The following ITFG1 variants were observed in gnomAD, a reference collection of about 807,000 sequenced individuals.
The protein encoded by ITFG1 is T-cell immunomodulatory protein.
Under a neutral mutation model 81.8 loss-of-function variants are expected in ITFG1, and 34 were observed. That is an observed-to-expected ratio of 0.42 (90% CI 0.32 to 0.55). The LOEUF is 0.55. ITFG1 is among the 20% of genes least tolerant of loss of function. The probability of loss-of-function intolerance (pLI) is 0.17; values close to 1 mark genes in which losing one functional copy is unlikely to be tolerated. For missense variants in ITFG1, 672 were observed against 755.4 expected, an observed-to-expected ratio of 0.89 and a Z score of 1.29; for synonymous variants, 285 against 270.6, an observed-to-expected ratio of 1.05 and a Z score of -0.52.
intron 8 of ITFG1, among the ~76,000 whole-genome samples, chr16:47,329,430 G>A (rs1189980893): frequency 6.6e-6 from 1 of 152,102 alleles, no homozygotes; most frequent in South Asian, 2.1e-4. Flanking sequence ...TCTACTTTAG[G>A]AGCATGGGCT....
chr16:47,406,158 G>C (rs941824439), intron 6 of ITFG1, among the ~76,000 whole-genome samples: 23 of 152,172 alleles, frequency 1.5e-4, no homozygotes, highest in African/African-American at 5.5e-4. Flanking sequence ...TTTTAGAGCA[G>C]AATTTGAATC....
At chr16:47,393,745 A>T (rs556159449) in intron 6 of ITFG1, among the ~76,000 whole-genome samples, 72 of 151,874 alleles carry the variant, frequency 4.7e-4, no homozygotes, top group Non-Finnish European at 6.8e-4. Context: ...AAAAAAAGAA[A>T]TTTTTTTTGG....
intron 13 of ITFG1, among the ~76,000 whole-genome samples, chr16:47,236,007 T>C (rs1046581538): frequency 6.6e-6 from 1 of 152,190 alleles, no homozygotes; most frequent in East Asian, 1.9e-4. Context: ...GGGAGGCAGA[T>C]ACATTATCTG....
chr16:47,264,443 C>T (rs189369084), intron 10 of ITFG1, among the ~76,000 whole-genome samples: 12 of 152,032 alleles, frequency 7.9e-5, no homozygotes, highest in East Asian at 3.9e-4. Context: ...TGTTTCTACA[C>T]AGTCTCATGT....
At chr16:47,365,301 G>A (rs1390451960) in intron 8 of ITFG1, among the ~76,000 whole-genome samples, 1 of 152,188 alleles carries the variant, frequency 6.6e-6, no homozygotes, top group Non-Finnish European at 1.5e-5. Context: ...TGACCAATGT[G>A]AACTTGATTG....
In ITFG1 at chr16:47,328,933, G is replaced by A. The variant is rs528233133; in HGVS notation, c.803-15110C>T. On this transcript the variant is annotated intron_variant, in intron 8 of 17. Coordinates refer to ENST00000320640, the MANE Select transcript of ITFG1 (RefSeq NM_030790.5). ...CATTTATTCACACCCATGATACAAGGTAGGCAAAGGTGGCTGCTAGTCTCT... is the reference window on the plus strand; with the variant it reads ...CATTTATTCACACCCATGATACAAGATAGGCAAAGGTGGCTGCTAGTCTCT... Among the ~76,000 whole-genome samples, 3 of 152,192 alleles carry A rather than the reference G, an allele frequency of 2.0e-5. No individual in the cohort carries two copies. In the East Asian group the frequency reaches 5.8e-4, roughly 29 times the overall value.
chr16:47,276,091 C>G (rs918068554), intron 10 of ITFG1, among the ~76,000 whole-genome samples: 1 of 151,904 alleles, frequency 6.6e-6, no homozygotes, highest in Non-Finnish European at 1.5e-5. Flanking sequence ...AGAAGAGATA[C>G]AATACTTACA....
At chr16:47,276,164 A>G (rs1480469012) in intron 10 of ITFG1, among the ~76,000 whole-genome samples, 1 of 152,200 alleles carries the variant, frequency 6.6e-6, no homozygotes, top group East Asian at 1.9e-4. Context: ...CCAAGAGAAT[A>G]TGCCAATTAT....
intron 14 of ITFG1, among the ~76,000 whole-genome samples, chr16:47,216,667 T>A (rs1965628437): frequency 6.6e-6 from 1 of 151,922 alleles, no homozygotes. Context: ...ATTATTTATT[T>A]ATTTATTTTT....
At chr16:47,193,654 A>G (rs1965319827) in intron 14 of ITFG1, among the ~76,000 whole-genome samples, 1 of 152,222 alleles carries the variant, frequency 6.6e-6, no homozygotes, top group African/African-American at 2.4e-5. Context: ...TAATCACAGC[A>G]CTGCACTCTA....
At chr16:47,353,923 C>T (rs1213420904) in intron 8 of ITFG1, among the ~76,000 whole-genome samples, 1 of 151,958 alleles carries the variant, frequency 6.6e-6, no homozygotes, top group South Asian at 2.1e-4. Flanking sequence ...GTTCATGAAT[C>T]GCAAGAATTC....
At chr16:47,251,844 G>A (rs994850116) in intron 12 of ITFG1, among the ~76,000 whole-genome samples, 1 of 152,220 alleles carries the variant, frequency 6.6e-6, no homozygotes, top group African/African-American at 2.4e-5. Flanking sequence ...TTATGTGAAT[G>A]TAGTTTTTCA....
chr16:47,440,399 C>T (rs1372885714), intron 5 of ITFG1, among the ~76,000 whole-genome samples: 1 of 152,220 alleles, frequency 6.6e-6, no homozygotes, highest in African/African-American at 2.4e-5. Context: ...TTCAGCATCA[C>T]ACCACACATA....
intron 10 of ITFG1, among the ~76,000 whole-genome samples, chr16:47,287,633 G>A (rs893559412): frequency 1.3e-5 from 2 of 152,074 alleles, no homozygotes; most frequent in African/African-American, 4.8e-5. Flanking sequence ...GAACTCCTGG[G>A]CTCAAGCAAT....
chr16:47,370,270 A>G (rs762472138), intron 7 of ITFG1, among the ~76,000 whole-genome samples: 1 of 152,208 alleles, frequency 6.6e-6, no homozygotes, highest in Non-Finnish European at 1.5e-5. Context: ...AGTTCCGGGT[A>G]AAGTCCCCGA....
At chr16:47,412,886 C>CT in intron 6 of ITFG1, among the ~76,000 whole-genome samples, 1 of 152,046 alleles carries the variant, frequency 6.6e-6, no homozygotes, top group Non-Finnish European at 1.5e-5. Flanking sequence ...GAAACAAAAC[C>CT]TACCACACAT....
chr16:47,313,252 A>G (rs921451576), intron 9 of ITFG1: 3 of 152,244 alleles, frequency 2.0e-5, no homozygotes, highest in Admixed American at 2.0e-4. Flanking sequence ...AGAAACATTA[A>G]TTCTAATATG....
rs780776710 is a variant in ITFG1 at position 47,234,121 on chromosome 16, GACAAA to G, written c.1374+3839_1374+3843del. Among the ~76,000 whole-genome samples, 12 of 152,106 alleles carry G rather than the reference GACAAA, an allele frequency of 7.9e-5. No homozygotes were observed. In the South Asian group the frequency reaches 1.7e-3, roughly 21 times the overall value. On this transcript the variant is annotated intron_variant, in intron 13 of 17. Coordinates refer to ENST00000320640, the MANE Select transcript of ITFG1 (RefSeq NM_030790.5). The stretch of plus-strand genomic sequence containing the variant: ...TTACAGGGCATGCAGAAAGGCAAAA[GACAAA>G]ACAAAACAAAATGTCCGAAGAGACA...
intron 1 of ITFG1, among the ~76,000 whole-genome samples, chr16:47,460,453 A>G (rs1969516401): frequency 6.6e-6 from 1 of 152,180 alleles, no homozygotes; most frequent in African/African-American, 2.4e-5. Context: ...AGCAAAATAG[A>G]AAGGAATGAG....
Sources: gnomAD v4.1 joint callset for allele counts (sites outside exome capture counted in the v4.1 genomes callset) on GRCh38, gnomAD v4.1.1 for gene constraint, MANE v1.5 for transcripts, NCBI Gene and HGNC (gene_info 2026-07-23, HGNC 2026-07-21) for gene names.